TMEM232: variants seen among roughly 807,000 people sequenced by gnomAD.
TMEM232 encodes transmembrane protein 232.
In TMEM232, 80 loss-of-function variants were observed where a neutral mutation model predicts 78.8. The ratio of observed to expected loss-of-function variants is 1.01; its 90% CI spans 0.85 to 1.22. The LOEUF (loss-of-function observed/expected upper bound fraction) is 1.22. TMEM232 is among the 50% of genes most tolerant of loss of function. The pLI is 0.00. For missense variants in TMEM232, 881 were observed against 742.2 expected (o/e 1.19, Z -2.17); for synonymous variants, 297 against 254.3 (o/e 1.17, Z -1.60).
At chr5:110,563,545 T>C (rs1775990329) in intron 11 of TMEM232, among the ~76,000 whole-genome samples, 1 of 151,802 alleles carries the variant, frequency 6.6e-6, no homozygotes, top group African/African-American at 2.4e-5. Flanking sequence ...AGAATAAGGT[T>C]GGGTGAGGTG....
chr5:110,406,283 C>T (rs1429230650), intron 2 of TMEM232, among the ~76,000 whole-genome samples: 10 of 151,406 alleles, frequency 6.6e-5, no homozygotes, highest in East Asian at 1.9e-4. Context: ...CACACACACA[C>T]ACACACACAC....
At chr5:110,644,443 T>C (rs1219746987) in intron 2 of TMEM232, among the ~76,000 whole-genome samples, 1 of 151,846 alleles carries the variant, frequency 6.6e-6, no homozygotes. Context: ...CAGAGATGCA[T>C]GATGAAAAAG....
chr5:110,568,735 A>G, intron 10 of TMEM232, 110 bp from the exon 11 acceptor site: 3 of 1,113,948 alleles, frequency 2.7e-6, no homozygotes, highest in Non-Finnish European at 3.7e-6. Flanking sequence ...ATAATATTCT[A>G]AAGTCTGAAA....
intron 1 of TMEM232, chr5:110,684,683 A>G (rs988488000): frequency 5.9e-5 from 9 of 152,170 alleles, no homozygotes; most frequent in African/African-American, 1.4e-4. Context: ...TAGAAGCAAT[A>G]TAATTACTAT....
intron 12 of TMEM232, among the ~76,000 whole-genome samples, chr5:110,510,332 G>A (rs1318078742): frequency 6.6e-6 from 1 of 152,036 alleles, no homozygotes; most frequent in Non-Finnish European, 1.5e-5. Flanking sequence ...ATCATTCTTT[G>A]TCTTAGTGAA....
intron 3 of TMEM232, 52 bp from the exon 4 acceptor site, chr5:110,641,048 T>C (rs1786625706): frequency 8.7e-7 from 1 of 1,146,500 alleles, no homozygotes; most frequent in African/African-American, 1.6e-5. Context: ...TATTTTTATA[T>C]ATATATTTAT....
chr5:110,476,992 G>T (rs1763326095), intron 12 of TMEM232, among the ~76,000 whole-genome samples: 1 of 151,948 alleles, frequency 6.6e-6, no homozygotes, highest in Non-Finnish European at 1.5e-5. Context: ...GACAAAAACG[G>T]TATGTGAAAT....
chr5:110,618,292 T>C (rs985786402), intron 8 of TMEM232, 137 bp downstream of exon 8: 1 of 1,083,622 alleles, frequency 9.2e-7, no homozygotes, highest in African/African-American at 1.6e-5. Context: ...TAAATTGCCA[T>C]TGCCTTTGGA....
chr5:110,641,026 T>A, intron 3 of TMEM232, 30 bp from the exon 4 acceptor site: 1 of 1,353,152 alleles, frequency 7.4e-7, no homozygotes, highest in Non-Finnish European at 1.0e-6. Flanking sequence ...AAAAGACAAA[T>A]CAAAATGTAC....
intron 12 of TMEM232, among the ~76,000 whole-genome samples, chr5:110,520,166 G>C (rs1383951031): frequency 6.6e-6 from 1 of 151,750 alleles, no homozygotes; most frequent in Non-Finnish European, 1.5e-5. Context: ...GGTGGAGTTG[G>C]AATGTTCCTA....
At chr5:110,472,693 C>CA (rs1385955451) in intron 12 of TMEM232, among the ~76,000 whole-genome samples, 1 of 151,674 alleles carries the variant, frequency 6.6e-6, no homozygotes, top group Admixed American at 6.6e-5. Context: ...GCTATAATAA[C>CA]AAAAAAAGCA....
intron 10 of TMEM232, among the ~76,000 whole-genome samples, chr5:110,592,773 T>C (rs148747271): frequency 1.7e-3 from 257 of 152,322 alleles, no homozygotes; most frequent in African/African-American, 5.9e-3. Context: ...GGGATTACCT[T>C]CCGCCTCTCT....
chr5:110,523,522 A>G (rs1769868159), intron 12 of TMEM232, among the ~76,000 whole-genome samples: 2 of 152,086 alleles, frequency 1.3e-5, no homozygotes, highest in Non-Finnish European at 1.5e-5. Context: ...AAAAATAAAT[A>G]TCCCTCTTAG....
At chr5:110,387,550 T>C (rs1027361146) in intron 5 of TMEM232, among the ~76,000 whole-genome samples, 1 of 152,178 alleles carries the variant, frequency 6.6e-6, no homozygotes, top group South Asian at 2.1e-4. Context: ...TTTTGAAAAA[T>C]GTTTACAGAT....
Position 110,691,748 on chromosome 5 carries a change from T to C in TMEM232, c.-12-24384A>G, listed in dbSNP as rs115666232. On this transcript the variant is annotated intron_variant, in intron 1 of 13. Coordinates refer to ENST00000455884, the MANE Select transcript of TMEM232 (RefSeq NM_001039763.4). ...ATGCTCATTAACATTTTACCCTACA[T>C]ACCGTAACCACATATTTGCTTTATC... Among the ~76,000 whole-genome samples, 852 of 152,346 alleles carry C rather than the reference T, an allele frequency of 5.6e-3. 8 individuals are homozygous for C. The highest frequency in any genetic ancestry group is 0.019 in the African/African-American group (808 of 41,584).
At chr5:110,502,947 G>A (rs927573766) in intron 12 of TMEM232, among the ~76,000 whole-genome samples, 1 of 152,012 alleles carries the variant, frequency 6.6e-6, no homozygotes, top group Non-Finnish European at 1.5e-5. Context: ...TCAATCATGG[G>A]ACTTAAAACA....
intron 1 of TMEM232, among the ~76,000 whole-genome samples, chr5:110,691,495 C>A (rs901439112): frequency 3.9e-5 from 6 of 152,054 alleles, no homozygotes; most frequent in Non-Finnish European, 8.8e-5. Context: ...TTGCAACTAA[C>A]AGAAAAAGAA....
chr5:110,436,380 C>A (rs1758437110), intron 12 of TMEM232, among the ~76,000 whole-genome samples: 3 of 151,842 alleles, frequency 2.0e-5, no homozygotes, highest in African/African-American at 7.3e-5. Context: ...TGGTAGTTTG[C>A]AAATATTTTT....
At chr5:110,571,761 G>A (rs761015648) in intron 10 of TMEM232, among the ~76,000 whole-genome samples, 1 of 151,690 alleles carries the variant, frequency 6.6e-6, no homozygotes, top group Non-Finnish European at 1.5e-5. Context: ...AGGAGGCTGT[G>A]TTGGGAAGAT....
Sources: gnomAD v4.1 joint callset for allele counts (sites outside exome capture counted in the v4.1 genomes callset) on GRCh38, gnomAD v4.1.1 for gene constraint, MANE v1.5 for transcripts, NCBI Gene and HGNC (gene_info 2026-07-23, HGNC 2026-07-21) for gene names.